The following SLCO1B1 variants were observed in gnomAD, a reference collection of about 807,000 sequenced individuals.
SLCO1B1 encodes OATP-2.
In SLCO1B1, 81 loss-of-function variants were observed where a neutral mutation model predicts 70.1. The observed-to-expected ratio is 1.16, with a 90% CI of 0.97 to 1.39. SLCO1B1 has a LOEUF of 1.39. Among genes scored for constraint, SLCO1B1 ranks in the 40% most tolerant of loss-of-function variants. The pLI is 0.00. For synonymous variants in SLCO1B1, 283 were observed against 271.5 expected, an observed-to-expected ratio of 1.04 and a Z score of -0.42; for missense variants, 895 against 799.6, an observed-to-expected ratio of 1.12 and a Z score of -1.44.
chr12:21,215,161 T>A (rs1941343377), intron 11 of SLCO1B1, among the ~76,000 whole-genome samples: 1 of 152,214 alleles, frequency 6.6e-6, no homozygotes, highest in Admixed American at 6.5e-5. Context: ...TATTTGTCAG[T>A]GTTTTATTTC....
intron 11 of SLCO1B1, among the ~76,000 whole-genome samples, chr12:21,209,988 AT>A (rs1941261394): frequency 1.3e-5 from 2 of 150,242 alleles, no homozygotes; most frequent in Non-Finnish European, 3.0e-5. Context: ...GGTTGTGAAA[AT>A]TTTCTCCCAT....
chr12:21,137,247 G>T (rs1023378294), intron 1 of SLCO1B1, among the ~76,000 whole-genome samples: 3 of 152,142 alleles, frequency 2.0e-5, no homozygotes, highest in East Asian at 1.9e-4. Context: ...CCCTACTGGG[G>T]GGTGCCTCCC....
At chr12:21,138,642 G>A (rs1940263335) in intron 1 of SLCO1B1, among the ~76,000 whole-genome samples, 1 of 152,096 alleles carries the variant, frequency 6.6e-6, no homozygotes, top group Non-Finnish European at 1.5e-5. Context: ...TGGGGAAGTA[G>A]GGGAAATACA....
Position 21,227,423 on chromosome 12 carries a change from C to G in SLCO1B1, c.1865+2584C>G, listed in dbSNP as rs533430711. On this transcript the variant is annotated intron_variant, in intron 14 of 14. Transcript: ENST00000256958. ...CAGGATACATCTCTGGAGTAAAGAC[C>G]TAGGATCAAATTTACCAAACAGACT... 3.0e-3 allele frequency among the ~76,000 whole-genome samples: 462 copies of G among 152,118 alleles called. 6 individuals carry two copies. The highest frequency in any genetic ancestry group is 0.011 in the African/African-American group (443 of 41,530).
At chr12:21,178,772 T>G in intron 6 of SLCO1B1, 50 bp downstream of exon 6, 1 of 1,533,348 alleles carries the variant, frequency 6.5e-7, no homozygotes, top group Non-Finnish European at 9.0e-7. Context: ...CTTTGTCTAC[T>G]TTTGAAATAG....
At chr12:21,141,387 C>CCTGCTAGGTA in intron 1 of SLCO1B1, 127 bp from the exon 2 acceptor site, 1 of 438,854 alleles carries the variant, frequency 2.3e-6, no homozygotes, top group South Asian at 2.5e-5. Flanking sequence ...AGAGTGGTAA[C>CCTGCTAGGTA]GACATAGTAG....
At chr12:21,157,338 A>G (rs1940555542) in intron 2 of SLCO1B1, among the ~76,000 whole-genome samples, 1 of 152,158 alleles carries the variant, frequency 6.6e-6, no homozygotes. Flanking sequence ...AATATTAGGT[A>G]TAGAAACCTA....
Position 21,192,918 on chromosome 12 carries a change from C to T in SLCO1B1, c.728-4028C>T, listed in dbSNP as rs371762779. Among the ~76,000 whole-genome samples the T allele has an allele frequency of 1.3e-3, 199 of 152,038 alleles. 3 individuals carry two copies. The South Asian group carries it at 0.039, about 30-fold the overall frequency. On this transcript the variant is annotated intron_variant, in intron 7 of 14. Coordinates refer to ENST00000256958, the MANE Select transcript of SLCO1B1 (RefSeq NM_006446.5). ...AGAATGTTTTGTTTTTGATTCTCTTCGTATCTAAATATTTTCTAATTTCCC... is the reference window on the plus strand; with the variant it reads ...AGAATGTTTTGTTTTTGATTCTCTTTGTATCTAAATATTTTCTAATTTCCC...
intron 2 of SLCO1B1, among the ~76,000 whole-genome samples, chr12:21,148,127 G>C (rs974689090): frequency 1.3e-5 from 2 of 152,148 alleles, no homozygotes; most frequent in African/African-American, 4.8e-5. Flanking sequence ...CAGATGGATA[G>C]ATTGTAAAAA....
chr12:21,132,298 G>A (rs12811096), intron 1 of SLCO1B1, among the ~76,000 whole-genome samples: 9 of 152,088 alleles, frequency 5.9e-5, no homozygotes, highest in Admixed American at 3.3e-4. Context: ...ATAAACATAC[G>A]TGTGCATGTG....
intron 1 of SLCO1B1, among the ~76,000 whole-genome samples, chr12:21,133,959 G>A (rs1042912030): frequency 6.6e-6 from 1 of 152,128 alleles, no homozygotes; most frequent in Non-Finnish European, 1.5e-5. Flanking sequence ...GTATCATATT[G>A]GCTGCAGGTT....
At chr12:21,219,290 A>G (rs11045871) in intron 12 of SLCO1B1, among the ~76,000 whole-genome samples, 20,377 of 152,210 alleles carry the variant, frequency 0.13, 1,683 homozygotes, top group Non-Finnish European at 0.18. Context: ...CTGAATGAAG[A>G]GATAGAAAAT....
rs752498436 is a variant in SLCO1B1, at chr12:21,222,281, T to C, written c.1683-19T>C. 4 of 1,346,094 alleles carry C rather than the reference T, an allele frequency of 3.0e-6. No homozygotes were observed. The highest frequency in any genetic ancestry group is 4.0e-6 in the Non-Finnish European group (4 of 991,550). 83.4% of individuals were successfully genotyped at this position (1,346,094 alleles called of 1,614,324 possible). A position where few individuals can be genotyped will look rare whatever the true frequency, so the allele number is the denominator to read the frequency against. ...ATTTTAATGATATTTAATGTTTCTT[T>C]GCCTTTGTCTTGTTTCAGAATTGTT... On this transcript the variant is annotated intron_variant, in intron 12 of 14. Coordinates refer to ENST00000256958, the MANE Select transcript of SLCO1B1 (RefSeq NM_006446.5).
intron 2 of SLCO1B1, among the ~76,000 whole-genome samples, chr12:21,147,017 A>C (rs867295660): frequency 6.6e-6 from 1 of 152,276 alleles, no homozygotes; most frequent in Non-Finnish European, 1.5e-5. Flanking sequence ...AGAGAGATGT[A>C]GAGTCTCCAA....
chr12:21,168,626 C>A (rs778564493), intron 2 of SLCO1B1, among the ~76,000 whole-genome samples: 9 of 152,096 alleles, frequency 5.9e-5, no homozygotes, highest in Non-Finnish European at 1.2e-4. Flanking sequence ...ATTTGCATTT[C>A]CCTGATAAGT....
At chr12:21,184,788 A>G (rs1940945095) in intron 7 of SLCO1B1, among the ~76,000 whole-genome samples, 2 of 152,142 alleles carry the variant, frequency 1.3e-5, no homozygotes, top group South Asian at 2.1e-4. Context: ...TAAACAGGCT[A>G]AATGCCCCAA....
chr12:21,188,352 G>C (rs1940986936), intron 7 of SLCO1B1, among the ~76,000 whole-genome samples: 1 of 151,884 alleles, frequency 6.6e-6, no homozygotes, highest in South Asian at 2.1e-4. Flanking sequence ...TAGTAAATAT[G>C]TTTTATCTTC....
At chr12:21,156,154 G>C (rs1940540024) in intron 2 of SLCO1B1, among the ~76,000 whole-genome samples, 1 of 152,032 alleles carries the variant, frequency 6.6e-6, no homozygotes, top group African/African-American at 2.4e-5. Context: ...TTGAAGATAG[G>C]TTTGTGATTT....
chr12:21,206,828 C>T (rs1445399055), intron 11 of SLCO1B1, among the ~76,000 whole-genome samples: 1 of 151,900 alleles, frequency 6.6e-6, no homozygotes, highest in East Asian at 1.9e-4. Context: ...CTATTACCAA[C>T]ATTACTAAAA....
Sources: gnomAD v4.1 joint callset for allele counts (sites outside exome capture counted in the v4.1 genomes callset) on GRCh38, gnomAD v4.1.1 for gene constraint, MANE v1.5 for transcripts, NCBI Gene and HGNC (gene_info 2026-07-23, HGNC 2026-07-21) for gene names.